Variants in OTULIN observed in about 807,000 individuals in gnomAD.
OTULIN encodes ubiquitin thioesterase otulin.
A neutral mutation model predicts 39.6 loss-of-function variants in OTULIN; 15 were observed. The ratio of observed to expected loss-of-function variants is 0.38; its 90% CI spans 0.25 to 0.58. The LOEUF (loss-of-function observed/expected upper bound fraction) is 0.58, where lower values mean the gene tolerates loss of function less well. OTULIN is among the 20% of genes least tolerant of loss of function. The probability of loss-of-function intolerance (pLI) is 0.66; values close to 1 mark genes in which losing one functional copy is unlikely to be tolerated. For missense variants in OTULIN, 319 were observed against 445.9 expected (o/e 0.72, Z 2.56); for synonymous variants, 156 against 170.3 (o/e 0.92, Z 0.65).
chr5:14,688,285 C>G (rs1238377475), intron 5 of OTULIN, among the ~76,000 whole-genome samples: 1 of 151,974 alleles, frequency 6.6e-6, no homozygotes, highest in South Asian at 2.1e-4. Flanking sequence ...AGCTTGGAGC[C>G]CTTCTCACCA....
At chr5:14,713,490 C>T in the OTULIN span, 1 of 1,609,504 alleles carries the variant, frequency 6.2e-7, no homozygotes, top group South Asian at 1.1e-5. This position sits in a 1 kb window ranked among gnomAD's most constrained non-coding sequence, Gnocchi z 4.4. Flanking sequence ...AACCTCTGGA[C>T]ACAGTATTGA....
chr5:14,688,119 T>C (rs76125609), intron 5 of OTULIN, among the ~76,000 whole-genome samples: 4,043 of 152,312 alleles, frequency 0.027, 168 homozygotes, highest in African/African-American at 0.092. Flanking sequence ...CCTGAGAGTT[T>C]TTCTGAAACA....
rs1736619481 is a variant in OTULIN, at chr5:14,694,619, G to A, written c.*1571G>A. The stretch of plus-strand genomic sequence containing the variant: ...TAAAGTCTTAGTTAAGAAAACTCAG[G>A]ATGCACAAAACTATTCAGACTGTTA... On this transcript the variant is annotated 3_prime_UTR_variant, in exon 7 of 7. Coordinates refer to ENST00000284274, the MANE Select transcript of OTULIN (RefSeq NM_138348.6). The A allele has an allele frequency of 6.6e-6, 1 of 152,514 alleles. No homozygotes were observed. The highest frequency in any genetic ancestry group is 1.5e-5 in the Non-Finnish European group (1 of 68,020). 9.4% of individuals were successfully genotyped at this position (152,514 alleles called of 1,614,324 possible).
chr5:14,711,282 G>A, the OTULIN span: 9 of 1,614,058 alleles, frequency 5.6e-6, no homozygotes, highest in East Asian at 2.2e-5. Context: ...TTCCCCCTCC[G>A]TGGCCGACTC....
the OTULIN span, chr5:14,709,769 C>G: frequency 6.6e-6 from 1 of 152,556 alleles, no homozygotes; most frequent in Non-Finnish European, 1.5e-5. Flanking sequence ...TTCATTGATA[C>G]AATACGTTTC....
At chr5:14,691,802 T>TTGCCTG (rs1736535252) in intron 6 of OTULIN, among the ~76,000 whole-genome samples, 1 of 152,240 alleles carries the variant, frequency 6.6e-6, no homozygotes, top group African/African-American at 2.4e-5. Context: ...CTCAATGGAT[T>TTGCCTG]TGCCTGTGCT....
At chr5:14,711,399 G>T in the OTULIN span, 1 of 1,135,348 alleles carries the variant, frequency 8.8e-7, no homozygotes, top group Non-Finnish European at 1.3e-6. Context: ...CCGGGGTCTT[G>T]GGGGACCCCT....
chr5:14,710,292 A>AAGTT, the OTULIN span: 13 of 152,230 alleles, frequency 8.5e-5, no homozygotes, highest in South Asian at 4.1e-4. Context: ...CTAAAATGCA[A>AAGTT]AGTTAGGATG....
Position 14,690,098 on chromosome 5 carries a change from A to G in OTULIN, c.654A>G (p.Leu218=). The change falls in exon 6 of 7, where the codon CTA becomes CTG. Residue 218 remains leucine (L), a synonymous_variant. Coordinates refer to ENST00000284274, the MANE Select transcript of OTULIN (RefSeq NM_138348.6). This position sits in a 1 kb window ranked among gnomAD's most constrained non-coding sequence, Gnocchi z 4.5. Reference sequence around the variant, plus strand: ...CAAGACAGATAGCTTGTGATGAACTATTCACAAATGAGGCGGAGGAATATA... The same window carrying G: ...CAAGACAGATAGCTTGTGATGAACTGTTCACAAATGAGGCGGAGGAATATA... ...AEARQIACDE[L]FTNEAEEYSL... The G allele has an allele frequency of 6.2e-7, 1 of 1,614,172 alleles. No individual in the cohort carries two copies. Among genetic ancestry groups the G allele is most frequent in the Non-Finnish European group, 8.5e-7 (1 of 1,179,986 alleles).
At chr5:14,677,084 C>T (rs770272241) in intron 2 of OTULIN, among the ~76,000 whole-genome samples, 3 of 152,078 alleles carry the variant, frequency 2.0e-5, no homozygotes, top group Non-Finnish European at 4.4e-5. Context: ...TAAAAGAATT[C>T]ACAGTGAGAT....
At chr5:14,676,723 T>C (rs1736114068) in intron 2 of OTULIN, among the ~76,000 whole-genome samples, 1 of 152,234 alleles carries the variant, frequency 6.6e-6, no homozygotes, top group Admixed American at 6.5e-5. Context: ...GCTGGACATG[T>C]GCTTTCTGTT....
At position 14,697,617 on chromosome 5, in the gene OTULIN, T is replaced by C. The variant is rs910378670; in HGVS notation, c.*4569T>C. 6.6e-6 allele frequency: 1 copy of C among 152,234 alleles called. No individual in the cohort carries two copies. The highest frequency in any genetic ancestry group is 1.5e-5 in the Non-Finnish European group (1 of 68,048). 9.4% of individuals were successfully genotyped at this position (152,234 alleles called of 1,614,324 possible). On this transcript the variant is annotated 3_prime_UTR_variant, in exon 7 of 7. Coordinates refer to ENST00000284274, the MANE Select transcript of OTULIN (RefSeq NM_138348.6). ...TAATTGTATTGAAATGTTATATCAATACATCATTTATGATGTGTGTGTGGT... is the reference window on the plus strand; with the variant it reads ...TAATTGTATTGAAATGTTATATCAACACATCATTTATGATGTGTGTGTGGT...
At chr5:14,670,706 G>A (rs1208745763) in intron 1 of OTULIN, among the ~76,000 whole-genome samples, 1 of 152,104 alleles carries the variant, frequency 6.6e-6, no homozygotes, top group Admixed American at 6.5e-5. Flanking sequence ...CTAGGCTTAA[G>A]TGATCCTCTC....
chr5:14,712,914 G>C, the OTULIN span: 1 of 1,613,300 alleles, frequency 6.2e-7, no homozygotes, highest in Non-Finnish European at 8.5e-7. Context: ...GGCGACCATG[G>C]TGGATTCTCC....
At chr5:14,710,838 C>T in the OTULIN span, 7 of 343,586 alleles carry the variant, frequency 2.0e-5, no homozygotes, top group South Asian at 4.8e-5. Flanking sequence ...GCAGGGTGAC[C>T]GAGGCGCGAT....
the OTULIN span, chr5:14,712,756 T>C: frequency 2.0e-6 from 2 of 1,006,428 alleles, no homozygotes; most frequent in Non-Finnish European, 3.0e-6. Flanking sequence ...GACTGGGCAG[T>C]GTCACCAAGG....
intron 4 of OTULIN, among the ~76,000 whole-genome samples, chr5:14,684,377 T>C (rs1050835505): frequency 6.6e-6 from 1 of 152,246 alleles, no homozygotes; most frequent in African/African-American, 2.4e-5. Flanking sequence ...GTTCGTTTTG[T>C]GGTATCACGT....
At chr5:14,689,590 G>A (rs563067817) in intron 5 of OTULIN, among the ~76,000 whole-genome samples, 1 of 152,268 alleles carries the variant, frequency 6.6e-6, no homozygotes, top group Admixed American at 6.5e-5. Flanking sequence ...TTATTCAGGA[G>A]CCCCTACGCC....
the OTULIN span, chr5:14,711,265 CAG>C: frequency 5.6e-6 from 9 of 1,614,162 alleles, no homozygotes; most frequent in Admixed American, 1.7e-5. Flanking sequence ...TCTGTCATGG[CAG>C]AGTCTTCCCC....
Sources: allele counts gnomAD v4.1 joint callset (sites outside exome capture counted in the v4.1 genomes callset), GRCh38; gene constraint gnomAD v4.1.1; non-coding constraint Gnocchi (gnomAD v3.1); transcripts MANE v1.5; gene names NCBI Gene and HGNC (gene_info 2026-07-23, HGNC 2026-07-21).